The following SP100 variants were observed in gnomAD, a reference collection of about 807,000 sequenced individuals.
SP100 encodes SP100 nuclear body protein.
Under a neutral mutation model 130.0 loss-of-function variants are expected in SP100, and 84 were observed. The ratio of observed to expected loss-of-function variants is 0.65; its 90% CI spans 0.54 to 0.77. The LOEUF (loss-of-function observed/expected upper bound fraction) is 0.77, where lower values mean the gene tolerates loss of function less well. Ranked by LOEUF, SP100 falls within the 30% of genes least tolerant of loss-of-function variation. The pLI, the probability that SP100 is intolerant of heterozygous loss-of-function variation, is 0.00. For missense variants in SP100, 978 were observed against 1,052.2 expected (o/e 0.93, Z 0.97); for synonymous variants, 331 against 351.7 (o/e 0.94, Z 0.66).
At chr2:230,444,151 T>C in intron 3 of SP100, 27 bp from the exon 4 acceptor site, 1 of 1,497,564 alleles carries the variant, frequency 6.7e-7, no homozygotes, top group Non-Finnish European at 9.1e-7. Context: ...TCTTTATTTA[T>C]ATTTTCTCCA....
chr2:230,443,188 AT>A (rs1189744221), intron 3 of SP100, 89 bp downstream of exon 3: 33 of 1,300,108 alleles, frequency 2.5e-5, no homozygotes, highest in Non-Finnish European at 3.1e-5. Context: ...TCAGGGTACA[AT>A]TTGCTAACTG....
rs1233250849 is a variant in SP100, at chr2:230,540,879, C to T, written c.2214C>T (p.Asn738=). Residue 738 remains asparagine (N), a synonymous_variant, in exon 26 of 29, where the codon AAC becomes AAT. Transcript: ENST00000340126. The stretch of plus-strand genomic sequence containing the variant: ...CACTTTATGCCCCATCTCTCAGGAA[C>T]CCGTGGAGTTGCATCTTCTGCAGGA... The part of the protein sequence containing the change: ...CHIPSVEANK[N]PWSCIFCRIK... The T allele has an allele frequency of 1.2e-6, 2 of 1,611,440 alleles. No homozygotes were observed. The highest frequency in any genetic ancestry group is 1.1e-5 in the South Asian group (1 of 90,712).
intron 24 of SP100, among the ~76,000 whole-genome samples, chr2:230,531,383 A>G (rs1691693527): frequency 6.6e-6 from 1 of 150,944 alleles, no homozygotes; most frequent in South Asian, 2.1e-4. Context: ...ACACATGGAC[A>G]CAGGGCGGGG....
intron 1 of SP100, among the ~76,000 whole-genome samples, chr2:230,416,550 G>T (rs548870190): frequency 6.6e-6 from 1 of 152,156 alleles, no homozygotes; most frequent in African/African-American, 2.4e-5. Flanking sequence ...CATAACACAC[G>T]TGACTTTCTT....
chr2:230,541,421 G>C (rs1692171162), intron 27 of SP100, 49 bp downstream of exon 27: 1 of 1,471,858 alleles, frequency 6.8e-7, no homozygotes, highest in Non-Finnish European at 9.5e-7. Flanking sequence ...TGTCAAATCT[G>C]TGATCTGAAT....
intron 9 of SP100, 48 bp downstream of exon 9, chr2:230,461,462 G>C: frequency 6.3e-7 from 1 of 1,598,682 alleles, no homozygotes; most frequent in Non-Finnish European, 8.6e-7. Context: ...AGGTTACCAG[G>C]TAAGGGGCTC....
intron 24 of SP100, among the ~76,000 whole-genome samples, chr2:230,535,518 C>T (rs1249922957): frequency 2.0e-5 from 3 of 152,042 alleles, no homozygotes; most frequent in Non-Finnish European, 2.9e-5. Flanking sequence ...AAGTTTGAGG[C>T]ATATTTCTCT....
chr2:230,421,336 C>A (rs1353036894), intron 2 of SP100, among the ~76,000 whole-genome samples: 2 of 152,088 alleles, frequency 1.3e-5, no homozygotes, highest in Non-Finnish European at 2.9e-5. Context: ...CTGATTCCAT[C>A]AGTTCTGGTT....
At chr2:230,461,728 C>A (rs771156174) in intron 9 of SP100, among the ~76,000 whole-genome samples, 1 of 151,958 alleles carries the variant, frequency 6.6e-6, no homozygotes, top group Non-Finnish European at 1.5e-5. Flanking sequence ...GCAGGGGGAT[C>A]GCTTGAGTCC....
chr2:230,523,764 C>T (rs1691283462), intron 24 of SP100, among the ~76,000 whole-genome samples: 1 of 151,680 alleles, frequency 6.6e-6, no homozygotes, highest in Admixed American at 6.6e-5. Context: ...TAAAAATTAG[C>T]TAGGCATGGT....
intron 24 of SP100, among the ~76,000 whole-genome samples, chr2:230,530,216 T>C (rs1691636459): frequency 6.6e-6 from 1 of 152,228 alleles, no homozygotes; most frequent in East Asian, 1.9e-4. Context: ...AGCATGGTAC[T>C]GGTACCAAAA....
chr2:230,451,184 TCTA>T (rs1176838976), intron 8 of SP100, among the ~76,000 whole-genome samples: 1 of 152,230 alleles, frequency 6.6e-6, no homozygotes, highest in East Asian at 1.9e-4. Context: ...TATGGGTAGT[TCTA>T]CTTTTTATTT....
At chr2:230,469,846 A>C (rs1282919443) in intron 14 of SP100, 169 bp from the exon 15 acceptor site, 5 of 1,506,970 alleles carry the variant, frequency 3.3e-6, no homozygotes, top group Non-Finnish European at 3.6e-6. Flanking sequence ...CTCCTGGAGC[A>C]ATCTTGACCA....
chr2:230,463,168 C>T (rs1040955398), intron 10 of SP100, among the ~76,000 whole-genome samples: 13 of 152,056 alleles, frequency 8.5e-5, no homozygotes, highest in African/African-American at 2.9e-4. Flanking sequence ...TGAGAGAACA[C>T]AATTGCATAA....
At chr2:230,515,182 G>T in intron 24 of SP100, 1 of 1,612,836 alleles carries the variant, frequency 6.2e-7, no homozygotes, top group Non-Finnish European at 8.5e-7. Flanking sequence ...GACCATTTTT[G>T]CTAAAGAGAA....
chr2:230,511,310 C>T, intron 24 of SP100, 144 bp downstream of exon 24: 1 of 691,658 alleles, frequency 1.4e-6, no homozygotes, highest in Non-Finnish European at 2.7e-6. Context: ...AAGCCAGGTA[C>T]CTGGGTCTGG....
intron 17 of SP100, among the ~76,000 whole-genome samples, chr2:230,490,070 T>C (rs1370785764): frequency 6.6e-6 from 1 of 152,222 alleles, no homozygotes; most frequent in African/African-American, 2.4e-5. Flanking sequence ...AATATCCTTG[T>C]TAATTTTCTG....
chr2:230,540,129 TG>T (rs1175366293), intron 25 of SP100, among the ~76,000 whole-genome samples: 1 of 152,200 alleles, frequency 6.6e-6, no homozygotes, highest in Non-Finnish European at 1.5e-5. Flanking sequence ...ACCAGCTTTT[TG>T]GTTGAGCCCT....
At chr2:230,443,871 T>C (rs565492096) in intron 3 of SP100, among the ~76,000 whole-genome samples, 1 of 152,342 alleles carries the variant, frequency 6.6e-6, no homozygotes, top group South Asian at 2.1e-4. Flanking sequence ...GCCTGCTACG[T>C]CTATCCTAAA....
Sources: allele counts gnomAD v4.1 joint callset (sites outside exome capture counted in the v4.1 genomes callset), GRCh38; gene constraint gnomAD v4.1.1; transcripts MANE v1.5; gene names NCBI Gene and HGNC (gene_info 2026-07-23, HGNC 2026-07-21).